THADA: variants seen among roughly 807,000 people sequenced by gnomAD.
THADA encodes the protein THADA armadillo repeat containing, also known as tRNA (32-2'-O)-methyltransferase regulator THADA.
A neutral mutation model predicts 219.8 loss-of-function variants in THADA; 213 were observed. The observed-to-expected ratio is 0.97, with a 90% CI of 0.87 to 1.09. The LOEUF (loss-of-function observed/expected upper bound fraction) is 1.09. THADA is among the 50% of genes least tolerant of loss of function. The pLI, the probability that THADA is intolerant of heterozygous loss-of-function variation, is 0.00. For synonymous variants in THADA, 1,018 were observed against 828.9 expected, an observed-to-expected ratio of 1.23 and a Z score of -3.92; for missense variants, 2,956 against 2,311.3, an observed-to-expected ratio of 1.28 and a Z score of -5.72.
At chr2:43,484,397 G>C (rs1686629553) in intron 26 of THADA, 1 of 168,544 alleles carries the variant, frequency 5.9e-6, no homozygotes, top group African/African-American at 2.4e-5. Context: ...GAAGGGAATA[G>C]GGCTTTGAAT....
Position 43,431,620 on chromosome 2 carries a change from C to T in THADA, c.3837-1318G>A, listed in dbSNP as rs12995795. Reference sequence around the variant, plus strand: ...AGCTGGGACTACAGGCGCCCGCCACCACGCCCGGATAATTTTTTGTACTTT... The same window carrying T: ...AGCTGGGACTACAGGCGCCCGCCACTACGCCCGGATAATTTTTTGTACTTT... On this transcript the variant is annotated intron_variant, in intron 26 of 37. Coordinates refer to ENST00000405975, the MANE Select transcript of THADA (RefSeq NM_022065.5). Among the ~76,000 whole-genome samples the T allele has an allele frequency of 2.3e-3, 292 of 129,620 alleles. No homozygotes were observed. In the Middle Eastern group the frequency reaches 0.037, roughly 16 times the overall value. 85.0% of individuals were successfully genotyped at this position (129,620 alleles called of 152,430 possible).
At chr2:43,236,383 G>A (rs904656966) in intron 36 of THADA, among the ~76,000 whole-genome samples, 5 of 152,166 alleles carry the variant, frequency 3.3e-5, no homozygotes, top group African/African-American at 4.8e-5. Flanking sequence ...CCTTGCCCTG[G>A]ACTAAGACAG....
chr2:43,317,919 T>C (rs2104455480), intron 31 of THADA, among the ~76,000 whole-genome samples: 1 of 152,242 alleles, frequency 6.6e-6, no homozygotes, highest in East Asian at 1.9e-4. Context: ...AATGTACCTT[T>C]TGGGTTATGA....
chr2:43,427,663 A>T lies in THADA; in HGVS notation c.4058+437T>A, dbSNP rs564971197. Among the ~76,000 whole-genome samples, 12 of 149,136 alleles carry T rather than the reference A, an allele frequency of 8.0e-5. No homozygotes were observed. In the East Asian group the frequency reaches 2.1e-3, roughly 27 times the overall value. ...TACAATAGGTTTACATATATAAAAA[A>T]ATATATAATATGGCCGGGCGCGGTG... On this transcript the variant is annotated intron_variant, in intron 28 of 37. Coordinates refer to ENST00000405975, the MANE Select transcript of THADA (RefSeq NM_022065.5).
In THADA at chr2:43,423,725, G is replaced by C. The variant is rs973500064; in HGVS notation, c.4058+4375C>G. Among the ~76,000 whole-genome samples the C allele has an allele frequency of 2.0e-5, 3 of 152,252 alleles. No homozygotes were observed. In the East Asian group the frequency reaches 5.8e-4, roughly 29 times the overall value. ...TTCGTCTAAGCTCTCCTGGGCCTTTGTTCAGGATTCTATGGTCCTAGGTTT... is the reference window on the plus strand; with the variant it reads ...TTCGTCTAAGCTCTCCTGGGCCTTTCTTCAGGATTCTATGGTCCTAGGTTT... On this transcript the variant is annotated intron_variant, in intron 28 of 37. Coordinates refer to ENST00000405975, the MANE Select transcript of THADA (RefSeq NM_022065.5).
rs1699928532 is a variant in THADA, at chr2:43,577,050, C to G, written c.1009G>C (p.Ala337Pro). 1 of 1,613,238 alleles carries G rather than the reference C, an allele frequency of 6.2e-7. No individual in the cohort carries two copies. ...RSGEALLLDT[A>P]HVLFTLSSQI... ...GAACTCAAGGTGAACAAAACATGTG[C>G]AGTATCCAAGAGCAGGGCCTCCCCA... is the stretch of plus-strand genomic sequence containing the variant. Residue 337 changes from alanine to proline, a missense_variant, in exon 10 of 38, where the codon GCA becomes CCA. Coordinates refer to ENST00000405975, the MANE Select transcript of THADA (RefSeq NM_022065.5).
intron 12 of THADA, among the ~76,000 whole-genome samples, 193 bp downstream of exon 12, chr2:43,572,621 C>T (rs1216378255): frequency 6.6e-6 from 1 of 152,162 alleles, no homozygotes; most frequent in Admixed American, 6.5e-5. Context: ...AGTTTTCTTA[C>T]ATCCTCAACT....
At chr2:43,541,575 C>T (rs1695325318) in intron 20 of THADA, among the ~76,000 whole-genome samples, 1 of 151,918 alleles carries the variant, frequency 6.6e-6, no homozygotes, top group Non-Finnish European at 1.5e-5. Flanking sequence ...GTAGCATGCT[C>T]ATGGCTCACT....
At position 43,285,880 on chromosome 2, in the gene THADA, A is replaced by G. The variant is rs143836804; in HGVS notation, c.5164+1028T>C. ...TAGTTCTTTATAGCAGTGTGAGAAC[A>G]GACTAATACAGATACCTTCAACTTA... On this transcript the variant is annotated intron_variant, in intron 35 of 37. Transcript: ENST00000405975. Among the ~76,000 whole-genome samples the G allele has an allele frequency of 2.6e-5, 4 of 152,308 alleles. No homozygotes were observed. In the East Asian group the frequency reaches 7.7e-4, roughly 29 times the overall value.
intron 22 of THADA, among the ~76,000 whole-genome samples, chr2:43,522,235 A>G (rs1692582706): frequency 6.6e-6 from 1 of 152,256 alleles, no homozygotes; most frequent in African/African-American, 2.4e-5. Flanking sequence ...TAAGCCTGAA[A>G]AATGATTTGC....
intron 27 of THADA, among the ~76,000 whole-genome samples, chr2:43,429,253 G>A (rs544328481): frequency 6.6e-6 from 1 of 150,764 alleles, no homozygotes; most frequent in East Asian, 1.9e-4. Flanking sequence ...GATCACAGGT[G>A]CGCACCACCA....
At chr2:43,435,864 T>A (rs1022450434) in intron 26 of THADA, among the ~76,000 whole-genome samples, 3 of 151,718 alleles carry the variant, frequency 2.0e-5, no homozygotes, top group African/African-American at 7.3e-5. Context: ...AATTTGGGAT[T>A]CTGCCCTGAG....
chr2:43,388,941 C>T (rs758508131), intron 29 of THADA, among the ~76,000 whole-genome samples: 21 of 152,170 alleles, frequency 1.4e-4, no homozygotes, highest in African/African-American at 2.2e-4. Flanking sequence ...ATAACCCCCT[C>T]ACCCCCCGCC....
At chr2:43,356,210 A>G (rs959494467) in intron 29 of THADA, among the ~76,000 whole-genome samples, 2 of 152,228 alleles carry the variant, frequency 1.3e-5, no homozygotes, top group Non-Finnish European at 2.9e-5. Context: ...CAGTATTAAG[A>G]CAATCAACCA....
chr2:43,443,933 C>A (rs1469618108), intron 26 of THADA, among the ~76,000 whole-genome samples: 1 of 149,776 alleles, frequency 6.7e-6, no homozygotes, highest in African/African-American at 2.5e-5. Flanking sequence ...TTGGCATGAT[C>A]CGTTCATTGC....
intron 19 of THADA, among the ~76,000 whole-genome samples, chr2:43,551,448 C>T: frequency 6.6e-6 from 1 of 152,044 alleles, no homozygotes; most frequent in South Asian, 2.1e-4. Flanking sequence ...TTTTGAGCAT[C>T]CCATTGGTGT....
At chr2:43,537,543 C>T (rs759126934) in intron 21 of THADA, among the ~76,000 whole-genome samples, 16 of 152,144 alleles carry the variant, frequency 1.1e-4, no homozygotes, top group Non-Finnish European at 2.1e-4. Flanking sequence ...CAATTTAAGA[C>T]TTGTGAATAA....
At chr2:43,388,673 TATA>T (rs1352078816) in intron 29 of THADA, among the ~76,000 whole-genome samples, 1 of 152,210 alleles carries the variant, frequency 6.6e-6, no homozygotes, top group Non-Finnish European at 1.5e-5. Flanking sequence ...TCTCAGCTCT[TATA>T]ATCTTTAACA....
intron 21 of THADA, among the ~76,000 whole-genome samples, chr2:43,528,475 T>A (rs1574094403): frequency 6.6e-6 from 1 of 152,130 alleles, no homozygotes; most frequent in Admixed American, 6.6e-5. Flanking sequence ...ATCCTCACAG[T>A]AATTCCATGA....
Sources: gnomAD v4.1 joint callset for allele counts (sites outside exome capture counted in the v4.1 genomes callset) on GRCh38, gnomAD v4.1.1 for gene constraint, MANE v1.5 for transcripts, NCBI Gene and HGNC (gene_info 2026-07-23, HGNC 2026-07-21) for gene names.